The following USP24 variants were observed in gnomAD, a reference collection of about 807,000 sequenced individuals.
The protein encoded by USP24 is ubiquitin specific peptidase 24.
USP24 carries 97 observed loss-of-function variants against 361.6 expected under a neutral mutation model. The ratio of observed to expected loss-of-function variants is 0.27; its 90% CI spans 0.23 to 0.32. USP24 has a LOEUF of 0.32. USP24 is among the 10% of genes least tolerant of loss of function. The pLI is 1.00. For synonymous variants in USP24, 1,098 were observed against 1,124.6 expected (o/e 0.98, Z 0.47); for missense variants, 2,353 against 3,165.6 (o/e 0.74, Z 6.16).
chr1:55,073,777 G>C, intron 64 of USP24, 51 bp downstream of exon 64: 2 of 1,496,998 alleles, frequency 1.3e-6, no homozygotes, highest in Non-Finnish European at 1.8e-6. Flanking sequence ...GCTCATATGT[G>C]ACTTGTAATT....
chr1:55,183,043 G>A (rs1644022483), intron 1 of USP24, among the ~76,000 whole-genome samples: 1 of 152,108 alleles, frequency 6.6e-6, no homozygotes, highest in Non-Finnish European at 1.5e-5. Flanking sequence ...AAATGGTCTA[G>A]CCTCTATTCC....
At position 55,148,550 on chromosome 1, in the gene USP24, G is replaced by C. The variant is rs1040951905; in HGVS notation, c.1881C>G (p.Pro627=). ...DGFKSSQLNN[P]QFVWVVPALR... ...AAGCTGGTACCACCCATACAAACTG[G>C]GGATTATTAAGCTGAGATGACTAGA... Residue 627 remains proline, a synonymous_variant, in exon 17 of 68, where the codon CCC becomes CCG. Transcript: ENST00000294383. 1.3e-6 allele frequency: 2 copies of C among 1,588,086 alleles called. No individual in the cohort carries two copies. Among genetic ancestry groups the C allele is most frequent in the Non-Finnish European group, 1.7e-6 (2 of 1,166,008 alleles).
At chr1:55,093,587 CCTTAA>C (rs1353149040) in intron 52 of USP24, 7 of 195,282 alleles carry the variant, frequency 3.6e-5, no homozygotes, top group Admixed American at 1.6e-4. Flanking sequence ...AGGTTATGAA[CCTTAA>C]CTTGTTTTTC....
At chr1:55,209,477 C>T (rs1644798485) in intron 1 of USP24, among the ~76,000 whole-genome samples, 1 of 152,136 alleles carries the variant, frequency 6.6e-6, no homozygotes, top group Non-Finnish European at 1.5e-5. Flanking sequence ...TAAAGCTTTC[C>T]TGTTCCCTCC....
chr1:55,166,783 G>A (rs1648912284), intron 5 of USP24, among the ~76,000 whole-genome samples, 180 bp from the exon 6 acceptor site: 1 of 152,050 alleles, frequency 6.6e-6, no homozygotes, highest in Non-Finnish European at 1.5e-5. Context: ...ATATGATTTT[G>A]GGAGTCTGTA....
At chr1:55,152,008 C>T in intron 16 of USP24, 1 of 985,380 alleles carries the variant, frequency 1.0e-6, no homozygotes, top group Non-Finnish European at 1.2e-6. Flanking sequence ...AGAAAAACAC[C>T]TTTAGTGGAA....
Position 55,068,710 on chromosome 1 carries a change from G to A in USP24, c.*335C>T. The A allele has an allele frequency of 3.6e-6, 1 of 277,548 alleles. No homozygotes were observed. Among genetic ancestry groups the A allele is most frequent in the Admixed American group, 5.1e-5 (1 of 19,496 alleles). 17.2% of individuals were successfully genotyped at this position (277,548 alleles called of 1,614,324 possible). ...TTTCTTTTGTAGCATCGTAGAGAAA[G>A]CAACAGCTTTATGCTCACTCTTGTA... On this transcript the variant is annotated 3_prime_UTR_variant, in exon 68 of 68. Coordinates refer to ENST00000294383, the MANE Select transcript of USP24 (RefSeq NM_015306.3).
chr1:55,205,435 G>C (rs919857231), intron 1 of USP24, among the ~76,000 whole-genome samples: 3 of 152,166 alleles, frequency 2.0e-5, no homozygotes, highest in Admixed American at 6.5e-5. Flanking sequence ...AATTCGAAAA[G>C]TCCTGCTGAA....
chr1:55,072,879 T>G lies in USP24; in HGVS notation c.7527-18A>C, dbSNP rs10493176. The G allele has an allele frequency of 0.084, 133,776 of 1,590,150 alleles. 6,876 individuals carry two copies. The highest frequency in any genetic ancestry group is 0.16 in the South Asian group (13,546 of 86,282). On this transcript the variant is annotated intron_variant, in intron 64 of 67. Transcript: ENST00000294383. ...CAGGACACCTGATGACCGAGGAGAT[T>G]TTTATTAGCCAAATTCTTTCTTTGC...
At position 55,165,895 on chromosome 1, in the gene USP24, A is replaced by G. The variant is rs761905822; in HGVS notation, c.917T>C (p.Ile306Thr). ...AGTAGTTTAACTTACCCCAAGTTCT[A>G]TATCTTCTGAATGGAGCTTGGCTTG... ...AIQAKLHSED[I>T]ELGAVSALIQ... is the part of the protein sequence containing the mutation. The change falls in exon 7 of 68, where the codon ATA becomes ACA. Residue 306 changes from isoleucine (I) to threonine (T), a missense_variant. This residue lies in a region of USP24 where 386 missense variants were observed against 560.5 expected (regional missense o/e 0.69). Coordinates refer to ENST00000294383, the MANE Select transcript of USP24 (RefSeq NM_015306.3). 1.1e-5 allele frequency: 18 copies of G among 1,605,152 alleles called. No individual in the cohort carries two copies. The highest frequency in any genetic ancestry group is 1.4e-5 in the Non-Finnish European group (16 of 1,174,956).
chr1:55,081,007 A>G (rs938599654), intron 59 of USP24, among the ~76,000 whole-genome samples: 3 of 152,126 alleles, frequency 2.0e-5, no homozygotes, highest in Non-Finnish European at 2.9e-5. Context: ...CACCATGGCT[A>G]TTTTCCACAC....
rs1314909704 is a variant in USP24 at position 55,100,830 on chromosome 1, G to A, written c.5271+9C>T. ...ATCTTTAAATCTCAAGAGTTACTGG[G>A]TGAAATACCTTCCAAAAATTCTCAG... On this transcript the variant is annotated intron_variant, in intron 44 of 67. Coordinates refer to ENST00000294383, the MANE Select transcript of USP24 (RefSeq NM_015306.3). 1.9e-6 allele frequency: 3 copies of A among 1,602,804 alleles called. No homozygotes were observed. Among genetic ancestry groups the A allele is most frequent in the African/African-American group, 2.7e-5 (2 of 74,412 alleles).
intron 30 of USP24, 132 bp downstream of exon 30, chr1:55,133,938 A>T (rs1335451906): frequency 1.2e-6 from 1 of 866,438 alleles, no homozygotes; most frequent in East Asian, 2.7e-5. Flanking sequence ...GGGCTGGTGA[A>T]GGTATTTTTC....
chr1:55,129,894 T>C (rs930805657), intron 31 of USP24, among the ~76,000 whole-genome samples: 6 of 152,206 alleles, frequency 3.9e-5, no homozygotes, highest in African/African-American at 1.4e-4. Flanking sequence ...ATATATTCTT[T>C]AGAAAGATAT....
chr1:55,125,681 A>T lies in USP24; in HGVS notation c.3713T>A (p.Ile1238Asn), dbSNP rs372679988. 1.4e-5 allele frequency: 23 copies of T among 1,595,716 alleles called. No homozygotes were observed. Among genetic ancestry groups the T allele is most frequent in the Non-Finnish European group, 1.9e-5 (22 of 1,170,190 alleles). Residue 1238 changes from isoleucine to asparagine, a missense_variant, in exon 33 of 68, where the codon ATC (isoleucine) becomes AAC (asparagine). By Grantham distance (149) the Ile-to-Asn change is moderately radical. Around this residue, in one of 8 missense-constraint regions of USP24, gnomAD observed 949 missense variants for 1,280.5 expected, o/e 0.74. Transcript: ENST00000294383. The part of the protein sequence containing the change: ...DYETRQGVYS[I>N]CLQLARFLLV... Reference sequence around the variant, plus strand: ...TACATACCTTGCAAGCTGTAGACAGATGGAATAAACACCCTGCCTTGTTTC... The same window carrying T: ...TACATACCTTGCAAGCTGTAGACAGTTGGAATAAACACCCTGCCTTGTTTC...
chr1:55,215,139 C>A lies in USP24; in HGVS notation c.-26G>T. 1 of 1,231,236 alleles carries A rather than the reference C, an allele frequency of 8.1e-7. No individual in the cohort carries two copies. The allele number at this position is 1,231,236 out of a possible 1,614,324, so 76.3% of individuals were successfully genotyped here. On this transcript the variant is annotated 5_prime_UTR_variant, in exon 1 of 68. Transcript: ENST00000294383. Reference sequence around the variant, plus strand: ...GGCTTGGGCCTCCTGGCCGCCCCGGCCAGCGCACGGCGAAGCTACGGGTCC... The same window carrying A: ...GGCTTGGGCCTCCTGGCCGCCCCGGACAGCGCACGGCGAAGCTACGGGTCC...
chr1:55,151,898 T>TGATC, intron 16 of USP24: 2 of 985,774 alleles, frequency 2.0e-6, no homozygotes, highest in Non-Finnish European at 2.4e-6. Context: ...AAGAAGTGGG[T>TGATC]GATCTTGTCT....
Position 55,176,221 on chromosome 1 carries a change from G to A in USP24, c.558+155C>T, listed in dbSNP as rs150106981. Reference sequence around the variant, plus strand: ...ATCATTTATAAGCCCCAAATTCAGAGTTCCGTTTTTCATATTAGAGGATTC... The same window carrying A: ...ATCATTTATAAGCCCCAAATTCAGAATTCCGTTTTTCATATTAGAGGATTC... On this transcript the variant is annotated intron_variant, in intron 3 of 67. Transcript: ENST00000294383. Among the ~76,000 whole-genome samples the A allele has an allele frequency of 5.9e-5, 9 of 152,186 alleles. No individual in the cohort carries two copies. The East Asian group carries it at 1.7e-3, about 29-fold the overall frequency.
intron 42 of USP24, among the ~76,000 whole-genome samples, chr1:55,102,690 A>T (rs1268166551): frequency 1.4e-5 from 2 of 139,398 alleles, no homozygotes; most frequent in Non-Finnish European, 3.1e-5. Context: ...GCATAGATTT[A>T]AAAAAAAAAA....
Sources: gnomAD v4.1 joint callset for allele counts (sites outside exome capture counted in the v4.1 genomes callset) on GRCh38, gnomAD v4.1.1 for gene constraint, gnomAD v4.1.1 regional missense constraint, MANE v1.5 for transcripts, NCBI Gene and HGNC (gene_info 2026-07-23, HGNC 2026-07-21) for gene names.